The following STPG2 variants were observed in gnomAD, a reference collection of about 807,000 sequenced individuals.
STPG2 encodes the protein sperm-tail PG-rich repeat-containing protein 2.
Under a neutral mutation model 54.2 loss-of-function variants are expected in STPG2, and 56 were observed. That is an observed-to-expected ratio of 1.03 (90% CI 0.83 to 1.29). STPG2 has a LOEUF of 1.29. Among genes scored for constraint, STPG2 ranks in the 50% most tolerant of loss-of-function variants. The probability of loss-of-function intolerance (pLI) is 0.00; values close to 1 mark genes in which losing one functional copy is unlikely to be tolerated. For missense variants in STPG2, 596 were observed against 544.9 expected, an observed-to-expected ratio of 1.09 and a Z score of -0.93; for synonymous variants, 200 against 181.8, an observed-to-expected ratio of 1.10 and a Z score of -0.81.
chr4:97,653,896 C>T (rs181454351), intron 10 of STPG2, among the ~76,000 whole-genome samples: 6 of 152,268 alleles, frequency 3.9e-5, no homozygotes, highest in African/African-American at 1.4e-4. Context: ...TCGGCTACCA[C>T]TGCAGGTGGT....
intron 4 of STPG2, among the ~76,000 whole-genome samples, chr4:97,541,090 A>G (rs1560651466): frequency 6.6e-6 from 1 of 152,192 alleles, no homozygotes; most frequent in Non-Finnish European, 1.5e-5. Flanking sequence ...CAACACTCCT[A>G]TTCAAAATAG....
At chr4:97,775,890 T>A (rs1189306915) in intron 9 of STPG2, among the ~76,000 whole-genome samples, 2 of 152,258 alleles carry the variant, frequency 1.3e-5, no homozygotes, top group African/African-American at 4.8e-5. Context: ...GCCTCCTGGG[T>A]ACCTGGGATT....
At chr4:97,548,257 T>C (rs1440522936) in intron 4 of STPG2, among the ~76,000 whole-genome samples, 1 of 152,152 alleles carries the variant, frequency 6.6e-6, no homozygotes, top group Non-Finnish European at 1.5e-5. Context: ...GATATCAACT[T>C]TTTTAGTATG....
intron 10 of STPG2, among the ~76,000 whole-genome samples, chr4:97,592,869 TAG>T (rs1733180933): frequency 6.6e-6 from 1 of 151,958 alleles, no homozygotes; most frequent in African/African-American, 2.4e-5. Context: ...GAGAGCTGCT[TAG>T]AGAGGTGGTA....
intron 5 of STPG2, among the ~76,000 whole-genome samples, chr4:98,082,213 T>C (rs35491210): frequency 0.39 from 59,381 of 151,658 alleles, 11,850 homozygotes; most frequent in Middle Eastern, 0.46. Context: ...ACACTCACCT[T>C]ATGACAGCGC....
intron 4 of STPG2, among the ~76,000 whole-genome samples, chr4:97,523,380 T>C (rs541928335): frequency 6.6e-6 from 1 of 152,028 alleles, no homozygotes; most frequent in South Asian, 2.1e-4. Context: ...AGTATAATTA[T>C]TATATAAAGG....
At chr4:97,478,463 C>T (rs777518481) in intron 4 of STPG2, among the ~76,000 whole-genome samples, 6 of 151,966 alleles carry the variant, frequency 3.9e-5, no homozygotes, top group Middle Eastern at 3.2e-3. Context: ...TAATAATAGA[C>T]GATCACTGTA....
At chr4:97,686,037 G>C (rs1723179121) in intron 10 of STPG2, among the ~76,000 whole-genome samples, 2 of 152,154 alleles carry the variant, frequency 1.3e-5, no homozygotes, top group African/African-American at 4.8e-5. Context: ...AACGTGGACT[G>C]TTTAGGGGCA....
intron 4 of STPG2, among the ~76,000 whole-genome samples, chr4:97,486,740 G>A (rs994358428): frequency 5.3e-5 from 8 of 150,832 alleles, no homozygotes; most frequent in Non-Finnish European, 8.9e-5. Context: ...AGCACAATTC[G>A]CAATTGCAAA....
intron 8 of STPG2, among the ~76,000 whole-genome samples, chr4:97,905,178 A>C (rs934073920): frequency 4.0e-5 from 6 of 151,654 alleles, no homozygotes; most frequent in Non-Finnish European, 8.8e-5. Context: ...GTTGAAATGA[A>C]GGAAAAAATG....
chr4:97,654,645 A>T (rs374695638), intron 10 of STPG2, among the ~76,000 whole-genome samples: 1 of 152,140 alleles, frequency 6.6e-6, no homozygotes, highest in African/African-American at 2.4e-5. Context: ...ATGCCACATA[A>T]GAGCAATGAC....
chr4:97,983,436 TA>T (rs1734737943), intron 5 of STPG2, among the ~76,000 whole-genome samples: 1 of 152,188 alleles, frequency 6.6e-6, no homozygotes, highest in Non-Finnish European at 1.5e-5. Context: ...TTGGCATCCC[TA>T]ATCTCTACAT....
intron 4 of STPG2, among the ~76,000 whole-genome samples, chr4:97,547,707 G>T (rs1731868801): frequency 1.3e-5 from 2 of 152,098 alleles, no homozygotes; most frequent in South Asian, 4.1e-4. Context: ...ACAAACTAGA[G>T]AAATGTTTAC....
chr4:97,533,565 C>A (rs1041845021), intron 4 of STPG2, among the ~76,000 whole-genome samples: 28 of 152,188 alleles, frequency 1.8e-4, no homozygotes, highest in Middle Eastern at 3.4e-3. Flanking sequence ...TCTCATACTC[C>A]TTTGCAGTCT....
intron 9 of STPG2, among the ~76,000 whole-genome samples, chr4:97,752,892 C>G (rs1176544943): frequency 1.3e-5 from 2 of 151,830 alleles, no homozygotes; most frequent in Non-Finnish European, 1.5e-5. Flanking sequence ...ATTCATAAAG[C>G]CTTTTCCATA....
intron 8 of STPG2, among the ~76,000 whole-genome samples, chr4:97,884,947 T>C (rs1730509350): frequency 6.6e-6 from 1 of 151,888 alleles, no homozygotes. Flanking sequence ...AAAGATATTA[T>C]GAAACAAAAG....
At chr4:97,504,540 A>G (rs904621494) in intron 4 of STPG2, among the ~76,000 whole-genome samples, 1 of 151,944 alleles carries the variant, frequency 6.6e-6, no homozygotes, top group African/African-American at 2.4e-5. Context: ...TTTAAATTCT[A>G]AGCTATGTTC....
chr4:98,056,205 T>G (rs6831588), intron 5 of STPG2, among the ~76,000 whole-genome samples: 59,905 of 151,782 alleles, frequency 0.39, 12,041 homozygotes, highest in Middle Eastern at 0.46. Context: ...GTGCTAACAC[T>G]GCACAGAGAA....
At chr4:97,453,905 T>C (rs1388292916) in intron 4 of STPG2, among the ~76,000 whole-genome samples, 2 of 151,966 alleles carry the variant, frequency 1.3e-5, no homozygotes, top group African/African-American at 4.8e-5. Flanking sequence ...ACTAGAGAAG[T>C]AGAAGAGAGG....
Sources: gnomAD v4.1 joint callset for allele counts (sites outside exome capture counted in the v4.1 genomes callset) on GRCh38, gnomAD v4.1.1 for gene constraint, MANE v1.5 for transcripts, NCBI Gene and HGNC (gene_info 2026-07-23, HGNC 2026-07-21) for gene names.